The following SYNE1 variants were observed in gnomAD, a reference collection of about 807,000 sequenced individuals.
SYNE1 encodes the protein spectrin repeat containing nuclear envelope protein 1.
SYNE1 carries 616 observed loss-of-function variants against 1,111.0 expected under a neutral mutation model. The ratio of observed to expected loss-of-function variants is 0.55; its 90% CI spans 0.52 to 0.59. The LOEUF (loss-of-function observed/expected upper bound fraction) is 0.59, where lower values mean the gene tolerates loss of function less well. SYNE1 is among the 20% of genes least tolerant of loss of function. SYNE1 has a pLI of 0.00. For synonymous variants in SYNE1, 3,855 were observed against 3,825.8 expected, an observed-to-expected ratio of 1.01 and a Z score of -0.28; for missense variants, 10,006 against 10,417.0, an observed-to-expected ratio of 0.96 and a Z score of 1.72.
intron 45 of SYNE1, among the ~76,000 whole-genome samples, chr6:152,405,533 T>A (rs943408528): frequency 6.6e-6 from 1 of 152,220 alleles, no homozygotes; most frequent in Admixed American, 6.5e-5. Flanking sequence ...AGTGATATGT[T>A]TTTAGTTGTC....
chr6:152,359,073 A>T (rs537673775), intron 65 of SYNE1, among the ~76,000 whole-genome samples: 173 of 152,280 alleles, frequency 1.1e-3, no homozygotes, highest in African/African-American at 4.0e-3. Context: ...AATTTTTTTT[A>T]AGTTGGTACC....
intron 16 of SYNE1, among the ~76,000 whole-genome samples, chr6:152,469,364 A>G (rs1017560125): frequency 6.6e-6 from 1 of 152,050 alleles, no homozygotes; most frequent in Non-Finnish European, 1.5e-5. Flanking sequence ...ACACTGGGGA[A>G]AGACTAAGCC....
At chr6:152,400,440 G>T (rs745704465) in intron 47 of SYNE1, among the ~76,000 whole-genome samples, 2 of 152,104 alleles carry the variant, frequency 1.3e-5, no homozygotes, top group Non-Finnish European at 2.9e-5. Context: ...GAGGCCAGTG[G>T]ATCATTTGAG....
Position 152,359,549 on chromosome 6 carries a change from G to A in SYNE1, c.10300-91C>T. On this transcript the variant is annotated intron_variant, in intron 64 of 145. Transcript: ENST00000367255. ...ATCAAGATATTTTAATTGTACAGTT[G>A]ACAAGTGACCTCAGGTTATTTATTC... The A allele has an allele frequency of 2.0e-6, 3 of 1,528,910 alleles. No individual in the cohort carries two copies. In the Admixed American group the frequency reaches 5.2e-5, roughly 26 times the overall value. The allele number at this position is 1,528,910 out of a possible 1,614,324, so 94.7% of individuals were successfully genotyped here.
intron 129 of SYNE1, 65 bp downstream of exon 129, chr6:152,180,071 T>C: frequency 6.4e-7 from 1 of 1,559,112 alleles, no homozygotes; most frequent in Non-Finnish European, 8.8e-7. Flanking sequence ...CCACCTTCTG[T>C]ACCTGTGAAA....
At chr6:152,596,127 A>AAAAAAC (rs2099580702) in intron 3 of SYNE1, among the ~76,000 whole-genome samples, 1 of 147,876 alleles carries the variant, frequency 6.8e-6, no homozygotes, top group African/African-American at 2.5e-5. Flanking sequence ...AAAAAAAAAA[A>AAAAAAC]GCCTCTTGTG....
At chr6:152,230,762 C>T in intron 114 of SYNE1, 60 bp from the exon 115 acceptor site, 1 of 1,529,494 alleles carries the variant, frequency 6.5e-7, no homozygotes, top group Non-Finnish European at 9.0e-7. Context: ...AAATCATTAG[C>T]AGACTAATTA....
At chr6:152,607,419 G>T (rs1000751113) in intron 3 of SYNE1, among the ~76,000 whole-genome samples, 6 of 149,648 alleles carry the variant, frequency 4.0e-5, no homozygotes, top group Admixed American at 4.0e-4. Flanking sequence ...CTGATGTCAA[G>T]ATTTTTTTTT....
chr6:152,563,736 A>C (rs1236113876), intron 3 of SYNE1, among the ~76,000 whole-genome samples: 2 of 152,222 alleles, frequency 1.3e-5, no homozygotes, highest in African/African-American at 4.8e-5. Context: ...TTGGGAGAAG[A>C]AATTAAATGG....
chr6:152,627,220 CA>C (rs1466329969), intron 3 of SYNE1, among the ~76,000 whole-genome samples: 8 of 152,170 alleles, frequency 5.3e-5, no homozygotes, highest in African/African-American at 1.9e-4. Flanking sequence ...GACAAAGAAG[CA>C]ATATCTTTAG....
At chr6:152,239,786 C>T (rs564892182) in intron 107 of SYNE1, 80 bp from the exon 108 acceptor site, 23 of 1,473,702 alleles carry the variant, frequency 1.6e-5, no homozygotes, top group Admixed American at 7.0e-5. Context: ...GGGCCGGGTG[C>T]GGTGGCTCAC....
At chr6:152,169,321 G>A (rs548108511) in intron 130 of SYNE1, among the ~76,000 whole-genome samples, 17 of 152,054 alleles carry the variant, frequency 1.1e-4, no homozygotes, top group Admixed American at 1.1e-3. Flanking sequence ...CCAGCACTTT[G>A]GGAGGCTGAG....
intron 44 of SYNE1, among the ~76,000 whole-genome samples, chr6:152,408,089 C>G (rs74946382): frequency 0.011 from 1,640 of 152,066 alleles, 43 homozygotes; most frequent in African/African-American, 0.038. Flanking sequence ...AAAGTGGAAG[C>G]ATGTAGGGTT....
chr6:152,220,776 C>A, intron 119 of SYNE1, 66 bp downstream of exon 119: 16 of 1,466,756 alleles, frequency 1.1e-5, no homozygotes, highest in Non-Finnish European at 1.3e-5. Flanking sequence ...CTTACACAGA[C>A]CAAAAGCTAA....
intron 3 of SYNE1, among the ~76,000 whole-genome samples, chr6:152,582,451 ACT>A (rs1425896919): frequency 6.6e-6 from 1 of 152,248 alleles, no homozygotes; most frequent in South Asian, 2.1e-4. Context: ...GTGTACACAC[ACT>A]GAGTTAAATT....
intron 137 of SYNE1, chr6:152,145,274 A>T: frequency 3.3e-6 from 2 of 607,472 alleles, no homozygotes. Context: ...CCATTTAACA[A>T]GTTGAGAAGT....
chr6:152,147,676 C>T (rs1036885437), intron 137 of SYNE1: 5 of 295,266 alleles, frequency 1.7e-5, no homozygotes, highest in Admixed American at 4.9e-5. Flanking sequence ...CCCAGGACTC[C>T]GGCTTTGTCG....
chr6:152,270,453 A>C (rs1235132262), intron 98 of SYNE1, among the ~76,000 whole-genome samples: 1 of 152,178 alleles, frequency 6.6e-6, no homozygotes, highest in Non-Finnish European at 1.5e-5. Context: ...AGAAAGTCTG[A>C]CTAAAGGAGA....
At chr6:152,358,281 A>G (rs2096873341) in intron 66 of SYNE1, 92 bp downstream of exon 66, 1 of 1,555,488 alleles carries the variant, frequency 6.4e-7, no homozygotes, top group Non-Finnish European at 8.9e-7. Flanking sequence ...TAGCCACTGG[A>G]CTCAAGGTTT....
Sources: gnomAD v4.1 joint callset for allele counts (sites outside exome capture counted in the v4.1 genomes callset) on GRCh38, gnomAD v4.1.1 for gene constraint, MANE v1.5 for transcripts, NCBI Gene and HGNC (gene_info 2026-07-23, HGNC 2026-07-21) for gene names.